Variants in COL28A1 observed in about 807,000 individuals in gnomAD.
COL28A1 encodes the protein collagen type XXVIII alpha 1 chain.
A neutral mutation model predicts 150.2 loss-of-function variants in COL28A1; 161 were observed. The ratio of observed to expected loss-of-function variants is 1.07; its 90% CI spans 0.94 to 1.22. COL28A1 has a LOEUF of 1.22. COL28A1 is among the 50% of genes most tolerant of loss of function. The pLI is 0.00. For synonymous variants in COL28A1, 552 were observed against 469.7 expected (o/e 1.18, Z -2.26); for missense variants, 1,617 against 1,388.3 (o/e 1.16, Z -2.62).
chr7:7,352,295 G>C (rs1243620621), downstream of COL28A1, among the ~76,000 whole-genome samples: 1 of 152,278 alleles, frequency 6.6e-6, no homozygotes, highest in East Asian at 1.9e-4. Context: ...CTCTTAAGTA[G>C]CTCAAAGAGC....
chr7:7,344,024 A>T, the COL28A1 span, among the ~76,000 whole-genome samples: 8 of 151,990 alleles, frequency 5.3e-5, no homozygotes, highest in African/African-American at 1.9e-4. Flanking sequence ...AATAAAAAAA[A>T]AAATAAAGGT....
At chr7:7,478,635 C>T (rs1006589963) in intron 13 of COL28A1, among the ~76,000 whole-genome samples, 4 of 152,242 alleles carry the variant, frequency 2.6e-5, no homozygotes, top group Non-Finnish European at 5.9e-5. Flanking sequence ...CAGGAGCCCA[C>T]GGCGGGTTGG....
At position 7,477,107 on chromosome 7, in the gene COL28A1, GT is replaced by G; in HGVS notation, c.1233+4del. ...ACCTTTTCCTGGTACAGAAGGTATT[GT>G]TACCTTTGGTCCTGGAAATCCTTCT... On this transcript the variant is annotated splice_donor_region_variant and intron_variant, in intron 14 of 34. Transcript: ENST00000399429. 9.0e-7 allele frequency: 1 copy of G among 1,116,142 alleles called. No individual in the cohort carries two copies. The highest frequency in any genetic ancestry group is 1.4e-6 in the Non-Finnish European group (1 of 724,212). The allele number at this position is 1,116,142 out of a possible 1,614,324, so 69.1% of individuals were successfully genotyped here.
intron 27 of COL28A1, among the ~76,000 whole-genome samples, chr7:7,389,766 A>T (rs1177933134): frequency 6.6e-6 from 1 of 152,098 alleles, no homozygotes; most frequent in African/African-American, 2.4e-5. Flanking sequence ...GCAATTGTGA[A>T]TGGGAGTTCA....
At chr7:7,391,820 T>G (rs1039589155) in intron 27 of COL28A1, among the ~76,000 whole-genome samples, 1 of 102,022 alleles carries the variant, frequency 9.8e-6, no homozygotes, top group African/African-American at 3.7e-5. Flanking sequence ...TTTTTTTTTT[T>G]GCTTTCCATT....
At position 7,380,576 on chromosome 7, in the gene COL28A1, A is replaced by G. The variant is rs1739115429; in HGVS notation, c.2322+84T>C. On this transcript the variant is annotated intron_variant, in intron 30 of 34. Coordinates refer to ENST00000399429, the MANE Select transcript of COL28A1 (RefSeq NM_001037763.3). Reference sequence around the variant, plus strand: ...AGAAACTGGGATTCTGCATCCAAAAAATTCATAATTCTAAAGCTAAAGCAT... The same window carrying G: ...AGAAACTGGGATTCTGCATCCAAAAGATTCATAATTCTAAAGCTAAAGCAT... The G allele has an allele frequency of 4.0e-6, 5 of 1,239,632 alleles. 1 individual carries two copies. The South Asian group carries it at 6.4e-5, about 16-fold the overall frequency. 76.8% of individuals were successfully genotyped at this position (1,239,632 alleles called of 1,614,324 possible). A position where few individuals can be genotyped will look rare whatever the true frequency, so the allele number is the denominator to read the frequency against.
intron 25 of COL28A1, among the ~76,000 whole-genome samples, chr7:7,427,239 G>A (rs779484666): frequency 1.6e-4 from 24 of 152,178 alleles, no homozygotes; most frequent in Non-Finnish European, 2.9e-4. Context: ...TCTTGGATAT[G>A]ACCCTTTCTG....
chr7:7,478,934 C>T (rs1175184304), intron 13 of COL28A1, among the ~76,000 whole-genome samples: 1 of 152,232 alleles, frequency 6.6e-6, no homozygotes, highest in Non-Finnish European at 1.5e-5. Flanking sequence ...TCCACACCTC[C>T]CCGCAGGCTG....
At chr7:7,485,569 T>G (rs1562802850) in intron 13 of COL28A1, among the ~76,000 whole-genome samples, 1 of 152,180 alleles carries the variant, frequency 6.6e-6, no homozygotes, top group Non-Finnish European at 1.5e-5. Context: ...CTCATATGTT[T>G]TATTCTAAAA....
chr7:7,380,585 T>C (rs1275396274), intron 30 of COL28A1, 75 bp downstream of exon 30: 3 of 1,313,690 alleles, frequency 2.3e-6, no homozygotes, highest in Middle Eastern at 1.9e-4. Flanking sequence ...AAATTCATAA[T>C]TCTAAAGCTA....
rs963800693 is a variant in COL28A1, at chr7:7,411,970, A to C, written c.2136+5889T>G. Among the ~76,000 whole-genome samples the C allele has an allele frequency of 2.2e-3, 341 of 152,124 alleles. 1 individual carries two copies. The highest frequency in any genetic ancestry group is 7.6e-3 in the African/African-American group (315 of 41,416). On this transcript the variant is annotated intron_variant, in intron 27 of 34. Transcript: ENST00000399429. ...GAGGCACCAATATACTTCAGAGCAA[A>C]AAATAACTTAAAATTTCCATCCTTC...
chr7:7,345,832 G>A, the COL28A1 span, among the ~76,000 whole-genome samples: 1 of 151,976 alleles, frequency 6.6e-6, no homozygotes. Context: ...ATGTTTTGGT[G>A]TTTTGGTTTT....
chr7:7,475,339 AT>A (rs1251027913), intron 14 of COL28A1, among the ~76,000 whole-genome samples: 1 of 152,222 alleles, frequency 6.6e-6, no homozygotes, highest in African/African-American at 2.4e-5. Flanking sequence ...ATCAAAGAAC[AT>A]TTACAAATTA....
intron 27 of COL28A1, among the ~76,000 whole-genome samples, chr7:7,399,403 T>G (rs6950096): frequency 5.9e-5 from 9 of 152,110 alleles, no homozygotes; most frequent in African/African-American, 2.2e-4. Flanking sequence ...GTCCTACTTA[T>G]TATAAACTCC....
intron 18 of COL28A1, among the ~76,000 whole-genome samples, chr7:7,447,990 C>A (rs1463521776): frequency 6.6e-6 from 1 of 152,102 alleles, no homozygotes; most frequent in African/African-American, 2.4e-5. Flanking sequence ...TCTCTTGAAC[C>A]CAGGAGGCAA....
rs752340529 is a variant in COL28A1 at position 7,417,885 on chromosome 7, G to A, written c.2110C>T (p.Pro704Ser). 8 of 1,613,252 alleles carry A rather than the reference G, an allele frequency of 5.0e-6. No individual in the cohort carries two copies. Among genetic ancestry groups the A allele is most frequent in the African/African-American group, 4.0e-5 (3 of 74,900 alleles). Reference sequence around the variant, plus strand: ...TTAATTCCCTGTGATCCATAGCCAGGGGGGCCAGGAGGGCCAGGCAAGCCT... The same window carrying A: ...TTAATTCCCTGTGATCCATAGCCAGAGGGGCCAGGAGGGCCAGGCAAGCCT... ...QKGLPGPPGP[P>S]GYGSQGIKGE... The change falls in exon 27 of 35, where the codon CCT (proline) becomes TCT (serine). Residue 704 changes from proline to serine, a missense_variant. Transcript: ENST00000399429.
intron 27 of COL28A1, among the ~76,000 whole-genome samples, chr7:7,401,718 ATTTG>A (rs1425864298): frequency 6.6e-6 from 1 of 150,970 alleles, no homozygotes; most frequent in Non-Finnish European, 1.5e-5. Flanking sequence ...TATCTTACTT[ATTTG>A]TTTTTGTCCC....
At chr7:7,474,841 C>CA (rs1196120237) in intron 14 of COL28A1, among the ~76,000 whole-genome samples, 172 bp from the exon 15 acceptor site, 7 of 152,048 alleles carry the variant, frequency 4.6e-5, no homozygotes, top group Non-Finnish European at 8.8e-5. Context: ...TTGCAACTTG[C>CA]AAAAAATACA....
intron 11 of COL28A1, among the ~76,000 whole-genome samples, chr7:7,500,943 G>A (rs1248501838): frequency 2.0e-5 from 3 of 152,114 alleles, no homozygotes; most frequent in Admixed American, 2.0e-4. Flanking sequence ...TCACTGCAAC[G>A]AACTCCTCTT....
Sources: allele counts gnomAD v4.1 joint callset (sites outside exome capture counted in the v4.1 genomes callset), GRCh38; gene constraint gnomAD v4.1.1; transcripts MANE v1.5; gene names NCBI Gene and HGNC (gene_info 2026-07-23, HGNC 2026-07-21).